Variants in UGT2A1 observed in about 807,000 individuals in gnomAD.
UGT2A1 encodes the protein UDP-glucuronosyltransferase 2A1.
Under a neutral mutation model 45.4 loss-of-function variants are expected in UGT2A1, and 61 were observed. The ratio of observed to expected loss-of-function variants is 1.34; its 90% CI spans 1.09 to 1.66. The LOEUF is 1.66. Among genes scored for constraint, UGT2A1 ranks in the 40% most tolerant of loss-of-function variants. UGT2A1 has a pLI of 0.00. For missense variants in UGT2A1, 649 were observed against 574.3 expected (o/e 1.13, Z -1.33); for synonymous variants, 229 against 196.2 (o/e 1.17, Z -1.40).
chr4:69,624,731 TA>T (rs1422224331), intron 3 of UGT2A1, among the ~76,000 whole-genome samples: 22 of 151,450 alleles, frequency 1.5e-4, no homozygotes, highest in African/African-American at 5.1e-4. Flanking sequence ...GATTTTGTGT[TA>T]TTGTTGCCAT....
rs150269706 is a variant in UGT2A1, at chr4:69,617,969, T to C, written c.847+17722A>G. Among the ~76,000 whole-genome samples the C allele has an allele frequency of 5.3e-3, 800 of 152,066 alleles. 9 individuals are homozygous for C. Among genetic ancestry groups the C allele is most frequent in the African/African-American group, 0.018 (734 of 41,506 alleles). ...ATCCTAACATTATTGTGTTCAAATA[T>C]GTCTTTCGGAAATCATTCACATTTG... On this transcript the variant is annotated intron_variant, in intron 3 of 6. Coordinates refer to ENST00000286604, the MANE Select transcript of UGT2A1 (RefSeq NM_001252275.3).
At chr4:69,600,771 G>A (rs1455129481) in intron 3 of UGT2A1, among the ~76,000 whole-genome samples, 1 of 151,266 alleles carries the variant, frequency 6.6e-6, no homozygotes, top group Non-Finnish European at 1.5e-5. Flanking sequence ...ATGGGAGCAG[G>A]AGCAAGAGAG....
At chr4:69,630,478 A>T (rs901698306) in intron 3 of UGT2A1, among the ~76,000 whole-genome samples, 3 of 152,024 alleles carry the variant, frequency 2.0e-5, no homozygotes, top group Non-Finnish European at 2.9e-5. Flanking sequence ...TCTCCTTTTA[A>T]CCACCTTCAT....
chr4:69,592,401 C>T (rs760979018), intron 6 of UGT2A1, among the ~76,000 whole-genome samples: 10 of 151,402 alleles, frequency 6.6e-5, no homozygotes, highest in Non-Finnish European at 1.5e-4. Flanking sequence ...AAATGAGAAA[C>T]TAAAAATGCA....
At chr4:69,590,374 T>G (rs955041217) in intron 6 of UGT2A1, among the ~76,000 whole-genome samples, 4 of 152,184 alleles carry the variant, frequency 2.6e-5, no homozygotes, top group Non-Finnish European at 5.9e-5. Context: ...TGGGTGGATA[T>G]CTACATATTT....
chr4:69,594,560 T>G lies in UGT2A1; in HGVS notation c.1221A>C (p.Lys407Asn). The G allele has an allele frequency of 1.9e-6, 3 of 1,614,106 alleles. No individual in the cohort carries two copies. Among genetic ancestry groups the G allele is most frequent in the Non-Finnish European group, 2.5e-6 (3 of 1,180,026 alleles). ...QPDNIAHMKA[K>N]GAAVEVNLNT... is the part of the protein sequence containing the mutation. Reference sequence around the variant, plus strand: ...TTAGGTTCACTTCCACAGCTGCTCCTTTGGCCTTCATGTGAGCAATGTTAT... The same window carrying G: ...TTAGGTTCACTTCCACAGCTGCTCCGTTGGCCTTCATGTGAGCAATGTTAT... The change falls in exon 6 of 7, where the codon AAA becomes AAC. Residue 407 changes from lysine to asparagine, a missense_variant. Lys to Asn is a moderately conservative substitution (Grantham distance 94). Coordinates refer to ENST00000286604, the MANE Select transcript of UGT2A1 (RefSeq NM_001252275.3).
Position 69,604,653 on chromosome 4 carries a change from A to G in UGT2A1, c.848-5259T>C, listed in dbSNP as rs769529584. ...ATTGGATAAAGAGCCAAGACCCATC[A>G]GTGTGCTGTATTCAGGAAACCCATC... On this transcript the variant is annotated intron_variant, in intron 3 of 6. Transcript: ENST00000286604. Among the ~76,000 whole-genome samples the G allele has an allele frequency of 2.9e-5, 4 of 136,994 alleles. 1 individual carries two copies. Among genetic ancestry groups the G allele is most frequent in the Non-Finnish European group, 6.2e-5 (4 of 64,364 alleles). The allele number at this position is 136,994 out of a possible 152,430, so 89.9% of individuals were successfully genotyped here. A position where few individuals can be genotyped will look rare whatever the true frequency, so the allele number is the denominator to read the frequency against.
chr4:69,599,439 G>T (rs1311132019), intron 3 of UGT2A1, 45 bp from the exon 4 acceptor site: 1 of 1,587,140 alleles, frequency 6.3e-7, no homozygotes, highest in Non-Finnish European at 8.5e-7. Flanking sequence ...TAGCTTATAT[G>T]TTTGCTGAGG....
In UGT2A1 at chr4:69,594,685, T is replaced by C; in HGVS notation, c.1096A>G (p.Thr366Ala). The C allele has an allele frequency of 1.2e-6, 2 of 1,613,432 alleles. No individual in the cohort carries two copies. Among genetic ancestry groups the C allele is most frequent in the South Asian group, 1.1e-5 (1 of 91,020 alleles). Residue 366 changes from threonine (T) to alanine (A), a missense_variant, in exon 6 of 7, where the codon ACC (threonine) becomes GCC (alanine). Thr to Ala is a moderately conservative substitution (Grantham distance 58). Transcript: ENST00000286604. Reference protein sequence around the residue: ...PQNDLLGHPKTKAFITHGGTN... With the variant: ...PQNDLLGHPKAKAFITHGGTN... ...CCACCATGAGTGATAAAAGCTTTGG[T>C]TTTGGGATGTCCTAATTTGAGGATG...
intron 3 of UGT2A1, among the ~76,000 whole-genome samples, chr4:69,623,310 A>C (rs1389454802): frequency 1.3e-5 from 2 of 151,678 alleles, no homozygotes; most frequent in East Asian, 1.9e-4. Context: ...ACAATGTAAC[A>C]CTCTGTTTTG....
chr4:69,646,959 G>T lies in UGT2A1; in HGVS notation c.686C>A (p.Ser229Ter). 3.8e-6 allele frequency: 6 copies of T among 1,598,214 alleles called. No individual in the cohort carries two copies. The highest frequency in any genetic ancestry group is 4.3e-6 in the Non-Finnish European group (5 of 1,174,020). Residue 229 changes from serine to a stop codon, truncating the protein, a stop_gained, in exon 2 of 7, where the codon TCA becomes TAA. Coordinates refer to ENST00000286604, the MANE Select transcript of UGT2A1 (RefSeq NM_001252275.3). LOFTEE classifies it high-confidence loss of function. Reference protein sequence around the residue: ...QDYMFETLWKSWDSYYSKALG... With the variant: ...QDYMFETLWK The stretch of plus-strand genomic sequence containing the variant: ...AGCTTTACTATAGTATGAATCCCAT[G>T]ATTTCCAAAGAGTTTCAAACATGTA...
intron 1 of UGT2A1, among the ~76,000 whole-genome samples, chr4:69,648,312 G>T (rs546773858): frequency 6.7e-6 from 1 of 150,136 alleles, no homozygotes; most frequent in Non-Finnish European, 1.5e-5. Flanking sequence ...TAATCCTCAA[G>T]AAAATATTAT....
intron 3 of UGT2A1, among the ~76,000 whole-genome samples, chr4:69,610,408 G>A (rs910495133): frequency 2.0e-5 from 3 of 151,926 alleles, no homozygotes; most frequent in African/African-American, 7.3e-5. Context: ...GTAACTGTTA[G>A]GGCATTTTAG....
intron 3 of UGT2A1, among the ~76,000 whole-genome samples, chr4:69,630,331 C>G (rs1472691031): frequency 6.6e-6 from 1 of 151,966 alleles, no homozygotes; most frequent in African/African-American, 2.4e-5. Flanking sequence ...CCAGATGTGC[C>G]ATGCAGCGTC....
intron 3 of UGT2A1, among the ~76,000 whole-genome samples, chr4:69,628,653 G>GTTA (rs1429742240): frequency 6.7e-6 from 1 of 148,544 alleles, no homozygotes; most frequent in East Asian, 2.0e-4. Flanking sequence ...TAATACAATG[G>GTTA]TTATATATTT....
chr4:69,644,294 G>T (rs958531946), intron 2 of UGT2A1, among the ~76,000 whole-genome samples: 5 of 151,594 alleles, frequency 3.3e-5, no homozygotes, highest in South Asian at 4.2e-4. Flanking sequence ...TAAACTAGTG[G>T]ATAACTTCAC....
Position 69,589,385 on chromosome 4 carries a change from T to C in UGT2A1, c.1571A>G (p.Lys524Arg). 6.2e-7 allele frequency: 1 copy of C among 1,611,358 alleles called. No homozygotes were observed. The highest frequency in any genetic ancestry group is 1.1e-5 in the South Asian group (1 of 90,772). Residue 524 changes from lysine to arginine, a missense_variant, in exon 7 of 7, where the codon AAA (lysine) becomes AGA (arginine). By Grantham distance (26) the Lys-to-Arg change is conservative. Coordinates refer to ENST00000286604, the MANE Select transcript of UGT2A1 (RefSeq NM_001252275.3). Reference protein sequence around the residue: ...CQKFGKIGKKKKRE With the variant: ...CQKFGKIGKKRKRE Reference sequence around the variant, plus strand: ...CTTTTTCTTGACCTATTCTCTTTTTTTCTTCTTTCCTATCTTACCAAATTT... The same window carrying C: ...CTTTTTCTTGACCTATTCTCTTTTTCTCTTCTTTCCTATCTTACCAAATTT...
chr4:69,638,923 T>C, intron 2 of UGT2A1: 1 of 1,603,148 alleles, frequency 6.2e-7, no homozygotes, highest in South Asian at 1.1e-5. Context: ...TAGTATGAAT[T>C]CCATTCTCCC....
chr4:69,621,523 A>G (rs1215378304), intron 3 of UGT2A1, among the ~76,000 whole-genome samples: 7 of 152,022 alleles, frequency 4.6e-5, no homozygotes, highest in Admixed American at 3.3e-4. Flanking sequence ...GAGGTTGCAG[A>G]GAAAAGGAAA....
Sources: allele counts gnomAD v4.1 joint callset (sites outside exome capture counted in the v4.1 genomes callset), GRCh38; gene constraint gnomAD v4.1.1; transcripts MANE v1.5; gene names NCBI Gene and HGNC (gene_info 2026-07-23, HGNC 2026-07-21).